The following PIK3AP1 variants were observed in gnomAD, a reference collection of about 807,000 sequenced individuals.
PIK3AP1 encodes phosphoinositide-3-kinase adaptor protein 1.
PIK3AP1 carries 21 observed loss-of-function variants against 88.1 expected under a neutral mutation model. The observed-to-expected ratio is 0.24, with a 90% confidence interval of 0.17 to 0.34. PIK3AP1 has a LOEUF of 0.34. Among genes scored for constraint, PIK3AP1 ranks in the 10% least tolerant of loss-of-function variants. The probability of loss-of-function intolerance (pLI) is 1.00; values close to 1 mark genes in which losing one functional copy is unlikely to be tolerated. For synonymous variants in PIK3AP1, 398 were observed against 400.0 expected (o/e 1.00, Z 0.06); for missense variants, 828 against 1,035.7 (o/e 0.80, Z 2.75).
chr10:96,678,905 C>T (rs1843962052), intron 2 of PIK3AP1, among the ~76,000 whole-genome samples: 1 of 152,026 alleles, frequency 6.6e-6, no homozygotes, highest in Non-Finnish European at 1.5e-5. Context: ...GGAGAGCGAC[C>T]CACTAATACC....
intron 2 of PIK3AP1, among the ~76,000 whole-genome samples, chr10:96,657,284 C>G (rs1843628187): frequency 6.6e-6 from 1 of 152,158 alleles, no homozygotes; most frequent in Non-Finnish European, 1.5e-5. Context: ...AAGGCCCTTT[C>G]CCCTTAGGTG....
intron 2 of PIK3AP1, among the ~76,000 whole-genome samples, chr10:96,687,808 G>A (rs148264049): frequency 4.6e-5 from 7 of 152,246 alleles, no homozygotes; most frequent in Middle Eastern, 3.4e-3. Context: ...TTCCTAGTCT[G>A]TGGAACTCAC....
At chr10:96,632,941 C>G in intron 8 of PIK3AP1, 1 of 1,612,790 alleles carries the variant, frequency 6.2e-7, no homozygotes, top group Non-Finnish European at 8.5e-7. Flanking sequence ...ATAAAGGACA[C>G]AAGCTAGCAG....
chr10:96,701,619 T>C (rs1844299564), intron 2 of PIK3AP1, among the ~76,000 whole-genome samples: 1 of 152,130 alleles, frequency 6.6e-6, no homozygotes, highest in Non-Finnish European at 1.5e-5. Context: ...AAACTGCAAA[T>C]GTAAACGACA....
At chr10:96,670,489 C>A (rs1199098242) in intron 2 of PIK3AP1, among the ~76,000 whole-genome samples, 1 of 152,068 alleles carries the variant, frequency 6.6e-6, no homozygotes, top group Non-Finnish European at 1.5e-5. Context: ...AGAGACCACA[C>A]AGGAGAGCTG....
chr10:96,713,680 C>T (rs1185412971), intron 1 of PIK3AP1, among the ~76,000 whole-genome samples: 1 of 152,010 alleles, frequency 6.6e-6, no homozygotes, highest in Non-Finnish European at 1.5e-5. Context: ...GTTCTAAAGA[C>T]CACATGGCCA....
chr10:96,682,466 G>A (rs1844016164), intron 2 of PIK3AP1, among the ~76,000 whole-genome samples: 1 of 152,118 alleles, frequency 6.6e-6, no homozygotes, highest in African/African-American at 2.4e-5. Context: ...TGCAAGAGCT[G>A]CCTTCTCTCC....
chr10:96,720,327 CG>C lies in PIK3AP1; in HGVS notation c.13+54del. 8.1e-7 allele frequency: 1 copy of C among 1,241,246 alleles called. No homozygotes were observed. Among genetic ancestry groups the C allele is most frequent in the South Asian group, 4.1e-5 (1 of 24,312 alleles). The allele number at this position is 1,241,246 out of a possible 1,614,324, so 76.9% of individuals were successfully genotyped here. A position where few individuals can be genotyped will look rare whatever the true frequency, so the allele number is the denominator to read the frequency against. ...GCGGGGGAGCGCGCCTCAAGGGATG[CG>C]GGGTACGAGAGAGGGGCCGGGAGCC... On this transcript the variant is annotated intron_variant, in intron 1 of 16. Transcript: ENST00000339364. This position sits in a 1 kb window ranked among gnomAD's most constrained non-coding sequence, Gnocchi z 4.6.
Position 96,663,824 on chromosome 10 carries a change from A to T in PIK3AP1, c.431-6890T>A, listed in dbSNP as rs140798653. ...ACAAATTACCTCCCCATTCAAACAA[A>T]TATCATTCATTCTCACTAGTCATCA... On this transcript the variant is annotated intron_variant, in intron 2 of 16. Transcript: ENST00000339364. 9.3e-3 allele frequency among the ~76,000 whole-genome samples: 1,410 copies of T among 152,286 alleles called. 22 individuals carry two copies. The highest frequency in any genetic ancestry group is 0.032 in the African/African-American group (1,345 of 41,554).
chr10:96,708,819 T>C (rs1844399917), intron 2 of PIK3AP1, among the ~76,000 whole-genome samples: 2 of 151,800 alleles, frequency 1.3e-5, no homozygotes, highest in South Asian at 4.2e-4. Context: ...TATTTCTCTA[T>C]AAACATGTTA....
intron 14 of PIK3AP1, among the ~76,000 whole-genome samples, chr10:96,607,369 T>C (rs1849020070): frequency 6.6e-6 from 1 of 152,158 alleles, no homozygotes; most frequent in Non-Finnish European, 1.5e-5. Flanking sequence ...ACAGCACTGT[T>C]GTATAAAATG....
chr10:96,681,197 C>T (rs1843994752), intron 2 of PIK3AP1, among the ~76,000 whole-genome samples: 2 of 152,160 alleles, frequency 1.3e-5, no homozygotes, highest in South Asian at 4.1e-4. Context: ...CATCTGTGTC[C>T]TAATCCCCTC....
At chr10:96,682,017 G>T (rs61856776) in intron 2 of PIK3AP1, among the ~76,000 whole-genome samples, 240 of 129,496 alleles carry the variant, frequency 1.9e-3, no homozygotes, top group East Asian at 6.3e-3. Context: ...TATATATAGA[G>T]AGAGAGAGAG....
At chr10:96,689,056 T>C (rs1280214212) in intron 2 of PIK3AP1, among the ~76,000 whole-genome samples, 1 of 152,126 alleles carries the variant, frequency 6.6e-6, no homozygotes, top group African/African-American at 2.4e-5. Context: ...TGAGATAAAA[T>C]GGGTAAGGCT....
chr10:96,629,171 T>C (rs1209331452), intron 8 of PIK3AP1, among the ~76,000 whole-genome samples: 1 of 151,932 alleles, frequency 6.6e-6, no homozygotes, highest in African/African-American at 2.4e-5. Context: ...TTCAAAAACA[T>C]AATGTTGAGT....
intron 8 of PIK3AP1, among the ~76,000 whole-genome samples, chr10:96,637,135 T>C (rs545638052): frequency 6.6e-6 from 1 of 152,230 alleles, no homozygotes; most frequent in South Asian, 2.1e-4. Context: ...AAGAGAGCCT[T>C]AGAGCAAGGA....
In PIK3AP1 at chr10:96,699,663, T is replaced by A. The variant is rs145827830; in HGVS notation, c.430+9904A>T. Among the ~76,000 whole-genome samples the A allele has an allele frequency of 4.5e-3, 680 of 152,286 alleles. 3 individuals carry two copies. The highest frequency in any genetic ancestry group is 0.016 in the African/African-American group (654 of 41,556). On this transcript the variant is annotated intron_variant, in intron 2 of 16. Coordinates refer to ENST00000339364, the MANE Select transcript of PIK3AP1 (RefSeq NM_152309.3). ...AGATGCTCCATAAATAACCATCAGA[T>A]GAACAGTTGGCTCTGATTTCTACAT... is the stretch of plus-strand genomic sequence containing the variant.
chr10:96,692,579 AAAAAGAAAGAAAGAAAG>A (rs1319063344), intron 2 of PIK3AP1, among the ~76,000 whole-genome samples: 1 of 152,136 alleles, frequency 6.6e-6, no homozygotes, highest in East Asian at 1.9e-4. Context: ...TCTCAAAAAA[AAAAAGAAAGAAAGAAAG>A]AAAAGAAAGA....
chr10:96,713,545 G>T (rs539795076), intron 1 of PIK3AP1, among the ~76,000 whole-genome samples: 1 of 150,486 alleles, frequency 6.6e-6, no homozygotes, highest in African/African-American at 2.4e-5. Context: ...TTAGCCAGGC[G>T]TGGTGGTGTG....
Sources: gnomAD v4.1 joint callset for allele counts (sites outside exome capture counted in the v4.1 genomes callset) on GRCh38, gnomAD v4.1.1 for gene constraint, Gnocchi (gnomAD v3.1) non-coding constraint, MANE v1.5 for transcripts, NCBI Gene and HGNC (gene_info 2026-07-23, HGNC 2026-07-21) for gene names.